RARB: variants seen among roughly 807,000 people sequenced by gnomAD.
RARB encodes HBV-activated protein.
A neutral mutation model predicts 51.9 loss-of-function variants in RARB; 17 were observed. That is an observed-to-expected ratio of 0.33 (90% confidence interval 0.22 to 0.49). RARB has a LOEUF of 0.49. Ranked by LOEUF, RARB falls within the 20% of genes least tolerant of loss-of-function variation. The pLI is 0.99. For missense variants in RARB, 369 were observed against 550.8 expected (o/e 0.67, Z 3.30); for synonymous variants, 215 against 195.4 (o/e 1.10, Z -0.84).
intron 2 of RARB, among the ~76,000 whole-genome samples, chr3:25,009,246 G>C (rs1250881418): frequency 6.6e-6 from 1 of 152,044 alleles, no homozygotes; most frequent in Non-Finnish European, 1.5e-5. Context: ...GAGTGTGAAG[G>C]GTAGAATGGC....
At chr3:25,451,985 A>G (rs1392845776) in intron 1 of RARB, among the ~76,000 whole-genome samples, 1 of 152,246 alleles carries the variant, frequency 6.6e-6, no homozygotes, top group Non-Finnish European at 1.5e-5. Flanking sequence ...TGATGTTGAG[A>G]AAAACTCTTC....
chr3:25,371,061 A>C (rs1239464196), intron 5 of RARB, among the ~76,000 whole-genome samples: 2 of 152,162 alleles, frequency 1.3e-5, no homozygotes, highest in African/African-American at 4.8e-5. Context: ...GGATTATCCA[A>C]GACGATTTCT....
At position 25,522,474 on chromosome 3, in the gene RARB, C is replaced by T. The variant is rs139250496; in HGVS notation, c.448+21151C>T. Among the ~76,000 whole-genome samples, 148 of 152,258 alleles carry T rather than the reference C, an allele frequency of 9.7e-4. 1 individual carries two copies. The highest frequency in any genetic ancestry group is 6.8e-3 in the Middle Eastern group (2 of 294). On this transcript the variant is annotated intron_variant, in intron 3 of 7. Coordinates refer to ENST00000330688, the MANE Select transcript of RARB (RefSeq NM_000965.5). ...CAACATTGAAGTTTTCTTTATTTAG[C>T]AGTAAGGTTTCTTTATTATCCCCTG... is the stretch of plus-strand genomic sequence containing the variant.
intron 5 of RARB, among the ~76,000 whole-genome samples, chr3:25,322,902 AT>A (rs1704612370): frequency 6.6e-6 from 1 of 152,144 alleles, no homozygotes; most frequent in Non-Finnish European, 1.5e-5. Flanking sequence ...CCCCAAACTT[AT>A]TTGCTTAAAA....
At chr3:25,431,634 T>C (rs1708210836) in intron 1 of RARB, among the ~76,000 whole-genome samples, 1 of 152,300 alleles carries the variant, frequency 6.6e-6, no homozygotes. Context: ...AATCTTAATA[T>C]TTTGTGGTCT....
At chr3:24,907,908 C>T (rs116492817) in intron 2 of RARB, among the ~76,000 whole-genome samples, 1,728 of 152,028 alleles carry the variant, frequency 0.011, 14 homozygotes, top group Non-Finnish European at 0.015. Context: ...CTCGTCTTCA[C>T]GGGTCTCTTA....
intron 2 of RARB, among the ~76,000 whole-genome samples, chr3:24,952,235 A>C (rs1695909870): frequency 7.1e-6 from 1 of 140,232 alleles, no homozygotes; most frequent in Non-Finnish European, 1.6e-5. Context: ...AACAAACAAA[A>C]AGTAACATTT....
intron 5 of RARB, among the ~76,000 whole-genome samples, chr3:25,264,721 G>A (rs1703085424): frequency 6.6e-6 from 1 of 151,970 alleles, no homozygotes; most frequent in African/African-American, 2.4e-5. Flanking sequence ...CTAATAATAT[G>A]GGAATATAAC....
intron 2 of RARB, among the ~76,000 whole-genome samples, chr3:25,005,017 C>T (rs1697240966): frequency 6.6e-6 from 1 of 151,970 alleles, no homozygotes; most frequent in Non-Finnish European, 1.5e-5. Context: ...TTTCCCATAC[C>T]CTACATCAAA....
At chr3:24,880,437 C>G (rs1428616321) in intron 2 of RARB, among the ~76,000 whole-genome samples, 3 of 151,908 alleles carry the variant, frequency 2.0e-5, no homozygotes, top group Non-Finnish European at 4.4e-5. Flanking sequence ...AAGCTTATAA[C>G]CATGTAATTT....
chr3:24,995,184 T>A (rs1470208598), intron 2 of RARB, among the ~76,000 whole-genome samples: 1 of 147,278 alleles, frequency 6.8e-6, no homozygotes, highest in East Asian at 2.2e-4. Context: ...TTTTGTAGTT[T>A]TTTAAGTAAA....
intron 5 of RARB, among the ~76,000 whole-genome samples, chr3:25,273,951 C>G (rs929350561): frequency 1.2e-4 from 19 of 152,162 alleles, no homozygotes; most frequent in African/African-American, 3.4e-4. Flanking sequence ...GGCCTGCCAC[C>G]CCTGCACTGT....
At chr3:24,945,398 A>T (rs1012778522) in intron 2 of RARB, among the ~76,000 whole-genome samples, 1 of 152,212 alleles carries the variant, frequency 6.6e-6, no homozygotes, top group African/African-American at 2.4e-5. Flanking sequence ...AGTGTGTGAG[A>T]AGGCACACAT....
intron 5 of RARB, among the ~76,000 whole-genome samples, chr3:25,260,570 T>C (rs111652718): frequency 6.6e-6 from 1 of 152,064 alleles, no homozygotes; most frequent in African/African-American, 2.4e-5. Context: ...CAAATCAGAA[T>C]TGAGCCAAGT....
chr3:25,190,989 C>A (rs1701089970), intron 5 of RARB, among the ~76,000 whole-genome samples: 1 of 150,908 alleles, frequency 6.6e-6, no homozygotes, highest in Non-Finnish European at 1.5e-5. Context: ...CCTCGCCCAT[C>A]ATCTAACTCT....
At chr3:24,984,046 A>G (rs1696734768) in intron 2 of RARB, among the ~76,000 whole-genome samples, 1 of 152,178 alleles carries the variant, frequency 6.6e-6, no homozygotes, top group African/African-American at 2.4e-5. Flanking sequence ...CCACTACTCC[A>G]CTGGTATCAT....
chr3:25,140,082 T>TC (rs1378934287), intron 4 of RARB, among the ~76,000 whole-genome samples: 3 of 139,768 alleles, frequency 2.1e-5, no homozygotes, highest in South Asian at 4.9e-4. Flanking sequence ...TACAAGGACA[T>TC]GGTTTTTTTT....
chr3:25,362,328 C>T (rs111528693), intron 5 of RARB, among the ~76,000 whole-genome samples: 29 of 152,260 alleles, frequency 1.9e-4, no homozygotes, highest in East Asian at 5.8e-4. Context: ...TAATGGTGGA[C>T]GCCCCTCCCC....
At chr3:25,506,809 T>G (rs931430601) in intron 3 of RARB, among the ~76,000 whole-genome samples, 1 of 152,240 alleles carries the variant, frequency 6.6e-6, no homozygotes, top group African/African-American at 2.4e-5. Flanking sequence ...GCTCATCCGG[T>G]GGCCAAGGAT....
Sources: gnomAD v4.1 joint callset for allele counts (sites outside exome capture counted in the v4.1 genomes callset) on GRCh38, gnomAD v4.1.1 for gene constraint, MANE v1.5 for transcripts, NCBI Gene and HGNC (gene_info 2026-07-23, HGNC 2026-07-21) for gene names.